Variants in ERC1 observed in about 807,000 individuals in gnomAD.
ERC1 encodes ELKS/RAB6-interacting/CAST family member 1.
ERC1 carries 56 observed loss-of-function variants against 132.0 expected under a neutral mutation model. That is an observed-to-expected ratio of 0.42 (90% CI 0.34 to 0.53). The LOEUF (loss-of-function observed/expected upper bound fraction) is 0.53, where lower values mean the gene tolerates loss of function less well. Among genes scored for constraint, ERC1 ranks in the 20% least tolerant of loss-of-function variants. The probability of loss-of-function intolerance (pLI) is 0.03; values close to 1 mark genes in which losing one functional copy is unlikely to be tolerated. For synonymous variants in ERC1, 478 were observed against 476.1 expected (o/e 1.00, Z -0.05); for missense variants, 1,202 against 1,349.9 (o/e 0.89, Z 1.72).
intron 8 of ERC1, among the ~76,000 whole-genome samples, chr12:1,148,195 A>G (rs1950544397): frequency 6.6e-6 from 1 of 152,192 alleles, no homozygotes; most frequent in South Asian, 2.1e-4. Flanking sequence ...AAGTTTTTGT[A>G]TTAGTCCATT....
chr12:1,394,198 A>G (rs1440504271), intron 16 of ERC1, among the ~76,000 whole-genome samples: 1 of 151,450 alleles, frequency 6.6e-6, no homozygotes. Flanking sequence ...CAGGAGATCG[A>G]GACCATCCTG....
chr12:1,221,391 C>T (rs1270472812), intron 12 of ERC1, among the ~76,000 whole-genome samples: 2 of 152,044 alleles, frequency 1.3e-5, no homozygotes, highest in African/African-American at 2.4e-5. Flanking sequence ...TGAGAATAAG[C>T]ATAGAAATAA....
chr12:1,156,929 A>G (rs769061716), intron 8 of ERC1, among the ~76,000 whole-genome samples: 24 of 151,114 alleles, frequency 1.6e-4, no homozygotes, highest in Non-Finnish European at 2.2e-4. Flanking sequence ...ACATTGGTCT[A>G]TTTCCTTTTA....
intron 15 of ERC1, among the ~76,000 whole-genome samples, chr12:1,360,608 A>G (rs2085996696): frequency 1.3e-5 from 2 of 152,252 alleles, no homozygotes; most frequent in African/African-American, 4.8e-5. Context: ...ATAATTCCAA[A>G]TATTTAAATA....
intron 2 of ERC1, among the ~76,000 whole-genome samples, chr12:1,059,020 G>A (rs1173461806): frequency 6.6e-6 from 1 of 151,746 alleles, no homozygotes; most frequent in Non-Finnish European, 1.5e-5. Flanking sequence ...TCTTTTATCA[G>A]TATTTTGTAA....
chr12:1,418,617 T>C (rs554307020), intron 17 of ERC1, among the ~76,000 whole-genome samples: 32 of 112,788 alleles, frequency 2.8e-4, no homozygotes, highest in African/African-American at 1.5e-3. Context: ...CTTTCTTTCT[T>C]TCTTTCTTTC....
chr12:1,106,807 C>T (rs952179873), intron 4 of ERC1, among the ~76,000 whole-genome samples: 1 of 152,016 alleles, frequency 6.6e-6, no homozygotes, highest in East Asian at 1.9e-4. Context: ...AGAATGAGGA[C>T]GAGTAATAGT....
At chr12:1,477,987 A>G (rs926779226) in intron 18 of ERC1, among the ~76,000 whole-genome samples, 18 of 152,194 alleles carry the variant, frequency 1.2e-4, no homozygotes, top group African/African-American at 4.1e-4. Flanking sequence ...CAAATTGTTT[A>G]TCGTCTGTTT....
At chr12:1,145,369 C>T (rs1484142609) in intron 8 of ERC1, among the ~76,000 whole-genome samples, 2 of 150,110 alleles carry the variant, frequency 1.3e-5, no homozygotes, top group Non-Finnish European at 1.5e-5. Context: ...CTTTTGAGAA[C>T]TGTCTATTCT....
chr12:1,065,939 G>A (rs1391261707), intron 2 of ERC1, among the ~76,000 whole-genome samples: 4 of 152,142 alleles, frequency 2.6e-5, no homozygotes, highest in Admixed American at 1.3e-4. Context: ...GTATGGTTCC[G>A]TGTATATGTA....
intron 2 of ERC1, among the ~76,000 whole-genome samples, chr12:1,056,570 G>T (rs767181992): frequency 6.6e-6 from 1 of 152,186 alleles, no homozygotes; most frequent in Non-Finnish European, 1.5e-5. Context: ...TGGAAAACTG[G>T]TTAGGGCTAG....
chr12:1,186,336 T>TA (rs1162046976), intron 11 of ERC1, among the ~76,000 whole-genome samples: 1 of 152,236 alleles, frequency 6.6e-6, no homozygotes, highest in Non-Finnish European at 1.5e-5. Context: ...TTTGTAATCT[T>TA]ACGTGTTTTA....
intron 14 of ERC1, among the ~76,000 whole-genome samples, chr12:1,284,282 G>A (rs2078894452): frequency 7.1e-6 from 1 of 141,410 alleles, no homozygotes; most frequent in Non-Finnish European, 1.5e-5. Context: ...GTGTGTGTGT[G>A]TGTGTGTGTG....
chr12:1,282,111 TAA>T (rs2078720303), intron 14 of ERC1, among the ~76,000 whole-genome samples: 1 of 152,114 alleles, frequency 6.6e-6, no homozygotes, highest in Non-Finnish European at 1.5e-5. Flanking sequence ...CACTCTCTTT[TAA>T]AAAGAGTGGG....
intron 16 of ERC1, among the ~76,000 whole-genome samples, chr12:1,393,833 G>A (rs2090203339): frequency 6.9e-6 from 1 of 145,686 alleles, no homozygotes; most frequent in Non-Finnish European, 1.5e-5. Flanking sequence ...TGAGACCACG[G>A]TGAAACCCCG....
intron 12 of ERC1, among the ~76,000 whole-genome samples, chr12:1,202,183 A>G (rs1054631080): frequency 1.3e-5 from 2 of 152,206 alleles, no homozygotes; most frequent in Admixed American, 6.5e-5. Context: ...AGCTTTTTGT[A>G]GTCAGTTCTG....
intron 16 of ERC1, among the ~76,000 whole-genome samples, chr12:1,384,780 G>A (rs2089133890): frequency 6.6e-6 from 1 of 152,196 alleles, no homozygotes; most frequent in Non-Finnish European, 1.5e-5. Context: ...TTTCAGGGTA[G>A]AGATGCTTAA....
At chr12:1,383,941 G>T (rs190241080) in intron 16 of ERC1, among the ~76,000 whole-genome samples, 1 of 152,064 alleles carries the variant, frequency 6.6e-6, no homozygotes, top group Non-Finnish European at 1.5e-5. Flanking sequence ...AGGGAAAGAG[G>T]TTAAGTAACT....
chr12:1,457,104 A>G (rs1342601210), intron 18 of ERC1, among the ~76,000 whole-genome samples: 1 of 152,202 alleles, frequency 6.6e-6, no homozygotes, highest in East Asian at 1.9e-4. Context: ...CCAGTTGCCT[A>G]CAGTACGTAG....
Sources: gnomAD v4.1 joint callset for allele counts (sites outside exome capture counted in the v4.1 genomes callset) on GRCh38, gnomAD v4.1.1 for gene constraint, MANE v1.5 for transcripts, NCBI Gene and HGNC (gene_info 2026-07-23, HGNC 2026-07-21) for gene names.